Variants in MGAT5 observed in about 807,000 individuals in gnomAD.
MGAT5 encodes alpha-1,6-mannosylglycoprotein 6-beta-N-acetylglucosaminyltransferase A.
Under a neutral mutation model 94.3 loss-of-function variants are expected in MGAT5, and 30 were observed. The observed-to-expected ratio is 0.32, with a 90% CI of 0.24 to 0.43. MGAT5 has a LOEUF of 0.43. Ranked by LOEUF, MGAT5 falls within the 20% of genes least tolerant of loss-of-function variation. The pLI is 1.00. For missense variants in MGAT5, 691 were observed against 905.5 expected (o/e 0.76, Z 3.04); for synonymous variants, 310 against 322.9 (o/e 0.96, Z 0.43).
chr2:134,428,949 CACCTTCCCCAACAAGGTTTGGAA>C (rs371564425), intron 14 of MGAT5, among the ~76,000 whole-genome samples: 14 of 152,268 alleles, frequency 9.2e-5, no homozygotes, highest in African/African-American at 3.4e-4. Flanking sequence ...CCAAGAGTTC[CACCTTCCCCAACAAGGTTTGGAA>C]ACTGCAGCAT....
intron 1 of MGAT5, among the ~76,000 whole-genome samples, chr2:134,189,606 T>TTTTTTTTTTG (rs1689252227): frequency 9.2e-6 from 1 of 108,572 alleles, no homozygotes; most frequent in African/African-American, 3.8e-5. Context: ...TTTTTTGTTT[T>TTTTTTTTTTG]TTTTTTTTTT....
chr2:134,347,195 C>T (rs1688969274), intron 8 of MGAT5, among the ~76,000 whole-genome samples: 1 of 152,178 alleles, frequency 6.6e-6, no homozygotes, highest in Non-Finnish European at 1.5e-5. Context: ...TCAAACCTTC[C>T]ATGTCATAGA....
chr2:134,243,851 G>T (rs1307432118), intron 1 of MGAT5, among the ~76,000 whole-genome samples: 2 of 152,200 alleles, frequency 1.3e-5, no homozygotes, highest in African/African-American at 4.8e-5. Context: ...GTGGAGGAGA[G>T]GGGTACTAGG....
intron 1 of MGAT5, among the ~76,000 whole-genome samples, chr2:134,128,428 T>G (rs1225511745): frequency 6.6e-6 from 1 of 152,194 alleles, no homozygotes; most frequent in Non-Finnish European, 1.5e-5. Flanking sequence ...AGGGGATCCT[T>G]GGTAATACTG....
chr2:134,413,615 A>G (rs1683795260), intron 12 of MGAT5, among the ~76,000 whole-genome samples: 1 of 152,230 alleles, frequency 6.6e-6, no homozygotes. Flanking sequence ...GATTTAGGGC[A>G]ATAAACAAAA....
At chr2:134,266,196 C>G in intron 1 of MGAT5, among the ~76,000 whole-genome samples, 1 of 148,702 alleles carries the variant, frequency 6.7e-6, no homozygotes, top group East Asian at 2.1e-4. Flanking sequence ...CACAAAAATA[C>G]TGTTATTTCT....
chr2:134,282,851 A>G (rs1436090160), intron 2 of MGAT5, among the ~76,000 whole-genome samples: 1 of 152,186 alleles, frequency 6.6e-6, no homozygotes, highest in Non-Finnish European at 1.5e-5. Flanking sequence ...TGAGTGAGGG[A>G]GGCCTGGGGT....
intron 8 of MGAT5, 59 bp downstream of exon 8, chr2:134,345,123 C>A: frequency 6.4e-7 from 1 of 1,562,318 alleles, no homozygotes; most frequent in Non-Finnish European, 8.8e-7. Flanking sequence ...ACAAAGGTTG[C>A]ATGGTTGTGG....
chr2:134,242,640 G>T (rs1171717489), intron 1 of MGAT5, among the ~76,000 whole-genome samples: 6 of 152,190 alleles, frequency 3.9e-5, no homozygotes, highest in African/African-American at 1.4e-4. Flanking sequence ...ATTGTTTTGG[G>T]ATTGGGCCTA....
chr2:134,191,466 C>G (rs1679147769), intron 1 of MGAT5, among the ~76,000 whole-genome samples: 1 of 151,964 alleles, frequency 6.6e-6, no homozygotes, highest in African/African-American at 2.4e-5. Context: ...CTACCCCCCC[C>G]ACCAGCAGGT....
intron 1 of MGAT5, among the ~76,000 whole-genome samples, chr2:134,201,643 G>A (rs2105283771): frequency 6.6e-6 from 1 of 152,150 alleles, no homozygotes; most frequent in East Asian, 1.9e-4. Flanking sequence ...GGGGCGACCT[G>A]TGCTTGTCAG....
At chr2:134,336,579 T>C (rs1688346938) in intron 5 of MGAT5, among the ~76,000 whole-genome samples, 1 of 152,104 alleles carries the variant, frequency 6.6e-6, no homozygotes, top group Admixed American at 6.6e-5. Context: ...TGGCAAATAA[T>C]GACCATCTCT....
At chr2:134,426,903 T>C (rs1684622441) in intron 13 of MGAT5, among the ~76,000 whole-genome samples, 1 of 152,166 alleles carries the variant, frequency 6.6e-6, no homozygotes. Flanking sequence ...TGTAGAATAG[T>C]CTGCCATGAT....
intron 1 of MGAT5, among the ~76,000 whole-genome samples, chr2:134,198,664 A>G (rs1007760962): frequency 6.6e-6 from 1 of 152,188 alleles, no homozygotes; most frequent in African/African-American, 2.4e-5. Flanking sequence ...ATGGGTTCCT[A>G]TGATATATTG....
intron 1 of MGAT5, among the ~76,000 whole-genome samples, chr2:134,203,133 C>T (rs967347061): frequency 1.3e-5 from 2 of 152,168 alleles, no homozygotes; most frequent in African/African-American, 4.8e-5. Context: ...GTTCTTAGCT[C>T]ATTATACATG....
intron 12 of MGAT5, among the ~76,000 whole-genome samples, chr2:134,418,909 G>C (rs553476177): frequency 1.3e-5 from 2 of 152,298 alleles, no homozygotes; most frequent in Admixed American, 6.5e-5. Flanking sequence ...CTCATGTCCA[G>C]GTGGGTTACC....
intron 10 of MGAT5, among the ~76,000 whole-genome samples, chr2:134,379,118 CT>C (rs1325373807): frequency 6.6e-6 from 1 of 152,202 alleles, no homozygotes; most frequent in Admixed American, 6.5e-5. Context: ...GTCTTCTCCC[CT>C]GTTCTTCCCC....
chr2:134,195,379 G>A (rs1317327716), intron 1 of MGAT5, among the ~76,000 whole-genome samples: 6 of 152,114 alleles, frequency 3.9e-5, no homozygotes, highest in Admixed American at 3.3e-4. Flanking sequence ...TTCTGAAATC[G>A]CCTTTCAGTT....
In MGAT5 at chr2:134,449,003, G is replaced by A. The variant is rs188429154; in HGVS notation, c.*156G>A. 88 of 703,442 alleles carry A rather than the reference G, an allele frequency of 1.3e-4. No individual in the cohort carries two copies. The East Asian group carries it at 1.6e-3, about 13-fold the overall frequency. The allele number at this position is 703,442 out of a possible 1,614,324, so 43.6% of individuals were successfully genotyped here. On this transcript the variant is annotated 3_prime_UTR_variant, in exon 16 of 16. Coordinates refer to ENST00000281923, the MANE Select transcript of MGAT5 (RefSeq NM_002410.5). ...ATTGGCATTGCCCTTGCTGCACTCC[G>A]AGCAACCCAGTGGAGTCTTCACCAA... is the stretch of plus-strand genomic sequence containing the variant.
Sources: allele counts gnomAD v4.1 joint callset (sites outside exome capture counted in the v4.1 genomes callset), GRCh38; gene constraint gnomAD v4.1.1; transcripts MANE v1.5; gene names NCBI Gene and HGNC (gene_info 2026-07-23, HGNC 2026-07-21).